TEK: variants seen among roughly 807,000 people sequenced by gnomAD.
The protein encoded by TEK is angiopoietin-1 receptor.
A neutral mutation model predicts 131.8 loss-of-function variants in TEK; 43 were observed. The observed-to-expected ratio is 0.33, with a 90% CI of 0.26 to 0.42. The LOEUF (loss-of-function observed/expected upper bound fraction) is 0.42, where lower values mean the gene tolerates loss of function less well. Ranked by LOEUF, TEK falls within the 10% of genes least tolerant of loss-of-function variation. The probability of loss-of-function intolerance (pLI) is 1.00; values close to 1 mark genes in which losing one functional copy is unlikely to be tolerated. For synonymous variants in TEK, 580 were observed against 491.6 expected (o/e 1.18, Z -2.38); for missense variants, 1,162 against 1,384.4 (o/e 0.84, Z 2.55).
At chr9:27,184,975 G>A (rs1362572616) in intron 8 of TEK, among the ~76,000 whole-genome samples, 2 of 151,936 alleles carry the variant, frequency 1.3e-5, no homozygotes. Context: ...GTTTGAGGCT[G>A]CAGTGAACTA....
rs1225548262 is a variant in TEK at position 27,220,262 on chromosome 9, G to C, written c.3200+117G>C. 3.0e-5 allele frequency: 26 copies of C among 862,330 alleles called. 1 individual carries two copies. The highest frequency in any genetic ancestry group is 6.7e-5 in the African/African-American group (4 of 59,744). 53.4% of individuals were successfully genotyped at this position (862,330 alleles called of 1,614,324 possible). A position where few individuals can be genotyped will look rare whatever the true frequency, so the allele number is the denominator to read the frequency against. On this transcript the variant is annotated intron_variant, in intron 21 of 22. Coordinates refer to ENST00000380036, the MANE Select transcript of TEK (RefSeq NM_000459.5). ...CACTATACACAAACACCTACACACAGAGATCCCAAATAGGAACCCCTCCCC... is the reference window on the plus strand; with the variant it reads ...CACTATACACAAACACCTACACACACAGATCCCAAATAGGAACCCCTCCCC...
chr9:27,158,550 T>C (rs894798918), intron 2 of TEK, among the ~76,000 whole-genome samples: 6 of 152,130 alleles, frequency 3.9e-5, no homozygotes, highest in African/African-American at 1.2e-4. Context: ...ATACCCTTAA[T>C]GGAAGTTAAT....
intron 1 of TEK, among the ~76,000 whole-genome samples, chr9:27,113,371 A>AAATCGCT (rs1821422198): frequency 2.0e-5 from 3 of 152,124 alleles, no homozygotes; most frequent in African/African-American, 7.2e-5. Context: ...CAGGTGGATC[A>AAATCGCT]TGAGGTCAAG....
At chr9:27,223,267 CA>C (rs2131255203) in intron 21 of TEK, among the ~76,000 whole-genome samples, 1 of 151,838 alleles carries the variant, frequency 6.6e-6, no homozygotes, top group Non-Finnish European at 1.5e-5. Context: ...AGCTCTGGAC[CA>C]AGTAGACCTA....
chr9:27,125,919 C>T (rs759478560), intron 1 of TEK, among the ~76,000 whole-genome samples: 1 of 152,130 alleles, frequency 6.6e-6, no homozygotes, highest in Non-Finnish European at 1.5e-5. Flanking sequence ...AGCTTCTACT[C>T]TGTGCCCAAC....
intron 11 of TEK, among the ~76,000 whole-genome samples, chr9:27,194,750 G>A (rs1244144125): frequency 6.6e-6 from 1 of 152,106 alleles, no homozygotes; most frequent in Non-Finnish European, 1.5e-5. Flanking sequence ...AGGGGTAGGC[G>A]GGAAGGGGAT....
At chr9:27,204,792 G>A (rs1587010866) in intron 13 of TEK, 119 bp from the exon 14 acceptor site, 2 of 1,334,282 alleles carry the variant, frequency 1.5e-6, no homozygotes, top group East Asian at 2.3e-5. Flanking sequence ...TAGTGGTTAG[G>A]TGGCAGGGTT....
chr9:27,174,533 A>C (rs1208439980), intron 6 of TEK, among the ~76,000 whole-genome samples: 1 of 152,204 alleles, frequency 6.6e-6, no homozygotes, highest in Non-Finnish European at 1.5e-5. Flanking sequence ...TCCCTTTTTC[A>C]TAGTAAGTCT....
At chr9:27,189,323 T>G (rs1824721006) in intron 9 of TEK, among the ~76,000 whole-genome samples, 1 of 152,180 alleles carries the variant, frequency 6.6e-6, no homozygotes, top group South Asian at 2.1e-4. Flanking sequence ...AGGAGCTCTT[T>G]TAGAAATTGT....
At chr9:27,153,655 C>A (rs1225044831) in intron 1 of TEK, among the ~76,000 whole-genome samples, 5 of 152,198 alleles carry the variant, frequency 3.3e-5, no homozygotes, top group Non-Finnish European at 5.9e-5. Flanking sequence ...CCGTCCCCAA[C>A]ATGATTTGGA....
At chr9:27,152,590 G>T in intron 1 of TEK, among the ~76,000 whole-genome samples, 1 of 141,494 alleles carries the variant, frequency 7.1e-6, no homozygotes, top group East Asian at 2.0e-4. Flanking sequence ...CTTATATGAA[G>T]CCCCCCCGCC....
chr9:27,229,101 G>T, intron 22 of TEK, 57 bp from the exon 23 acceptor site: 2 of 1,521,134 alleles, frequency 1.3e-6, no homozygotes, highest in East Asian at 2.3e-5. Flanking sequence ...TGTAACTGCC[G>T]CTGGCAGAGG....
intron 1 of TEK, among the ~76,000 whole-genome samples, chr9:27,154,215 G>A (rs1021106035): frequency 2.0e-5 from 3 of 151,506 alleles, no homozygotes; most frequent in Admixed American, 6.6e-5. Context: ...TGTGCAGAAC[G>A]TGCAGGTCTG....
intron 16 of TEK, among the ~76,000 whole-genome samples, chr9:27,209,559 C>T (rs628522): frequency 0.018 from 2,808 of 152,300 alleles, 86 homozygotes; most frequent in African/African-American, 0.062. Context: ...GAGCCCCCAC[C>T]ATCAGCTTCT....
At chr9:27,175,922 C>A (rs1824154041) in intron 6 of TEK, among the ~76,000 whole-genome samples, 1 of 152,086 alleles carries the variant, frequency 6.6e-6, no homozygotes, top group Non-Finnish European at 1.5e-5. Flanking sequence ...TGAAAATTTT[C>A]TCCCATTTTG....
chr9:27,196,057 G>A (rs1168585367), intron 11 of TEK, among the ~76,000 whole-genome samples: 2 of 152,192 alleles, frequency 1.3e-5, no homozygotes, highest in African/African-American at 4.8e-5. Context: ...TTGCTAAGGG[G>A]AAGGAACCCC....
intron 1 of TEK, among the ~76,000 whole-genome samples, chr9:27,137,963 C>A (rs35682767): frequency 2.0e-5 from 3 of 151,620 alleles, no homozygotes; most frequent in South Asian, 4.2e-4. Flanking sequence ...TCTGGAGTTT[C>A]TTCCTTCCAG....
chr9:27,202,184 T>C (rs965049242), intron 12 of TEK, among the ~76,000 whole-genome samples: 2 of 152,208 alleles, frequency 1.3e-5, no homozygotes, highest in Non-Finnish European at 2.9e-5. Context: ...CTGAATGGAA[T>C]GTGATTCCAC....
At position 27,168,680 on chromosome 9, in the gene TEK, C is replaced by T. The variant is rs1327238102; in HGVS notation, c.475+75C>T. The T allele has an allele frequency of 3.5e-6, 4 of 1,142,448 alleles. No individual in the cohort carries two copies. In the East Asian group the frequency reaches 7.6e-5, roughly 22 times the overall value. 70.8% of individuals were successfully genotyped at this position (1,142,448 alleles called of 1,614,324 possible). On this transcript the variant is annotated intron_variant, in intron 3 of 22. Transcript: ENST00000380036. ...AACATACAACATATTGAATCATTTTCCTATTGTGGTCTTGTGGGCAGATGT... is the reference window on the plus strand; with the variant it reads ...AACATACAACATATTGAATCATTTTTCTATTGTGGTCTTGTGGGCAGATGT...
Sources: gnomAD v4.1 joint callset for allele counts (sites outside exome capture counted in the v4.1 genomes callset) on GRCh38, gnomAD v4.1.1 for gene constraint, MANE v1.5 for transcripts, NCBI Gene and HGNC (gene_info 2026-07-23, HGNC 2026-07-21) for gene names.